Variants in PTPRD observed in about 807,000 individuals in gnomAD.
PTPRD encodes protein tyrosine phosphatase receptor type D.
PTPRD carries 34 observed loss-of-function variants against 214.5 expected under a neutral mutation model. That is an observed-to-expected ratio of 0.16 (90% CI 0.12 to 0.21). PTPRD has a LOEUF of 0.21. PTPRD is among the 10% of genes least tolerant of loss of function. The pLI is 1.00. For synonymous variants in PTPRD, 1,128 were observed against 845.7 expected (o/e 1.33, Z -5.79); for missense variants, 2,545 against 2,398.7 (o/e 1.06, Z -1.27).
At chr9:9,880,849 TA>T (rs2068449046) in intron 5 of PTPRD, among the ~76,000 whole-genome samples, 1 of 152,182 alleles carries the variant, frequency 6.6e-6, no homozygotes, top group Non-Finnish European at 1.5e-5. Flanking sequence ...GCTGGTCATT[TA>T]TTTTTTTTTC....
intron 9 of PTPRD, among the ~76,000 whole-genome samples, chr9:9,237,557 A>T (rs547735443): frequency 6.6e-6 from 1 of 152,268 alleles, no homozygotes; most frequent in East Asian, 1.9e-4. Flanking sequence ...GACCACCAAT[A>T]TGCAAATATC....
At chr9:8,719,809 G>A (rs1463598851) in intron 12 of PTPRD, among the ~76,000 whole-genome samples, 1 of 151,730 alleles carries the variant, frequency 6.6e-6, no homozygotes, top group Non-Finnish European at 1.5e-5. Flanking sequence ...GCGCCAAGTA[G>A]GGCTTTAGCT....
chr9:10,546,687 A>G (rs2060243306), intron 2 of PTPRD, among the ~76,000 whole-genome samples: 1 of 152,036 alleles, frequency 6.6e-6, no homozygotes, highest in African/African-American at 2.4e-5. Flanking sequence ...TTATCAATGA[A>G]GCATAATAGA....
intron 11 of PTPRD, among the ~76,000 whole-genome samples, chr9:8,930,444 T>C (rs980001674): frequency 6.6e-6 from 1 of 152,168 alleles, no homozygotes; most frequent in Admixed American, 6.6e-5. Context: ...GTCTTTATAG[T>C]AGAATTATTT....
At chr9:10,432,689 A>T (rs2098691022) in intron 2 of PTPRD, among the ~76,000 whole-genome samples, 3 of 152,012 alleles carry the variant, frequency 2.0e-5, no homozygotes. Context: ...CCTCAAATGC[A>T]GCAGTATCTA....
Position 9,247,898 on chromosome 9 carries a change from C to T in PTPRD, c.-202-64535G>A, listed in dbSNP as rs527535076. On this transcript the variant is annotated intron_variant, in intron 9 of 45. Transcript: ENST00000381196. ...TACATTTCATTTGCATTTCTGCTAT[C>T]TCACTTATTACTCTCAGCTTTGCTT... Among the ~76,000 whole-genome samples the T allele has an allele frequency of 1.3e-3, 204 of 152,230 alleles. 2 individuals carry two copies. Among genetic ancestry groups the T allele is most frequent in the Non-Finnish European group, 2.5e-3 (171 of 67,998 alleles).
chr9:9,510,148 T>G (rs1030349331), intron 8 of PTPRD, among the ~76,000 whole-genome samples: 7 of 151,718 alleles, frequency 4.6e-5, no homozygotes, highest in African/African-American at 1.7e-4. Context: ...TCCATATGGG[T>G]GGAGTAGCTT....
intron 11 of PTPRD, among the ~76,000 whole-genome samples, chr9:8,913,306 C>G (rs1042747910): frequency 1.3e-5 from 2 of 152,098 alleles, no homozygotes; most frequent in East Asian, 3.9e-4. Context: ...GTGAGTATTC[C>G]TTGCCTTTGG....
At chr9:8,960,108 C>G (rs1024515317) in intron 11 of PTPRD, among the ~76,000 whole-genome samples, 2 of 152,026 alleles carry the variant, frequency 1.3e-5, no homozygotes, top group South Asian at 4.1e-4. Context: ...AATTTACTAG[C>G]TGTGTCACCT....
At chr9:8,459,152 G>A (rs1456188556) in intron 33 of PTPRD, among the ~76,000 whole-genome samples, 17 of 151,956 alleles carry the variant, frequency 1.1e-4, no homozygotes, top group Non-Finnish European at 1.5e-5. Context: ...AGGGAGTGAG[G>A]GTGAAAATAA....
At chr9:9,429,997 A>G (rs892456526) in intron 8 of PTPRD, among the ~76,000 whole-genome samples, 1 of 152,186 alleles carries the variant, frequency 6.6e-6, no homozygotes, top group Admixed American at 6.5e-5. Context: ...GGCACAAGAC[A>G]GGGATGCCCT....
chr9:8,909,578 G>A lies in PTPRD; in HGVS notation c.-104+109119C>T, dbSNP rs143160142. 4.4e-3 allele frequency among the ~76,000 whole-genome samples: 675 copies of A among 152,122 alleles called. 12 individuals carry two copies. Among genetic ancestry groups the A allele is most frequent in the African/African-American group, 0.015 (634 of 41,524 alleles). On this transcript the variant is annotated intron_variant, in intron 11 of 45. Transcript: ENST00000381196. ...CAGATACAAACTTTCAACAAACTAA[G>A]CAAATAAGGATTTCATCAACCTGAA... is the stretch of plus-strand genomic sequence containing the variant.
At chr9:9,419,845 T>C (rs940907575) in intron 8 of PTPRD, among the ~76,000 whole-genome samples, 2 of 151,770 alleles carry the variant, frequency 1.3e-5, no homozygotes, top group Admixed American at 1.3e-4. Flanking sequence ...CTTAATATCA[T>C]ATGCATTTAA....
At chr9:9,963,960 C>T (rs1363514544) in intron 4 of PTPRD, among the ~76,000 whole-genome samples, 1 of 141,302 alleles carries the variant, frequency 7.1e-6, no homozygotes, top group Non-Finnish European at 1.6e-5. Flanking sequence ...TTTTTATGAG[C>T]ATTTCTTTCA....
chr9:8,928,307 G>GT, intron 11 of PTPRD, among the ~76,000 whole-genome samples: 1 of 152,234 alleles, frequency 6.6e-6, no homozygotes, highest in South Asian at 2.1e-4. Context: ...GATTGCCTAG[G>GT]TTTTCTTCTA....
At chr9:10,514,774 T>C (rs1343881255) in intron 2 of PTPRD, among the ~76,000 whole-genome samples, 2 of 152,164 alleles carry the variant, frequency 1.3e-5, no homozygotes, top group Non-Finnish European at 2.9e-5. Flanking sequence ...TATCCAGATT[T>C]AATAGGCATC....
intron 3 of PTPRD, among the ~76,000 whole-genome samples, chr9:10,187,809 T>C (rs1420921467): frequency 6.6e-6 from 1 of 152,202 alleles, no homozygotes; most frequent in Non-Finnish European, 1.5e-5. Context: ...TCACTAGAAT[T>C]GTGGCAAAGG....
rs1425992121 is a variant in PTPRD, at chr9:10,322,583, G to C, written c.-545+18380C>G. On this transcript the variant is annotated intron_variant, in intron 3 of 45. Transcript: ENST00000381196. ...CCCTCAAACCTTAATATATAAGTTT[G>C]CTATTATACTTGTCACTTCCATTTG... Among the ~76,000 whole-genome samples the C allele has an allele frequency of 2.6e-5, 4 of 151,958 alleles. 1 individual carries two copies. The highest frequency in any genetic ancestry group is 5.9e-5 in the Non-Finnish European group (4 of 67,968).
intron 11 of PTPRD, among the ~76,000 whole-genome samples, chr9:8,827,769 C>G (rs1227793113): frequency 6.6e-6 from 1 of 152,002 alleles, no homozygotes; most frequent in Non-Finnish European, 1.5e-5. Context: ...TTATTGTTTA[C>G]TAGTGATTAT....
Sources: allele counts gnomAD v4.1 joint callset (sites outside exome capture counted in the v4.1 genomes callset), GRCh38; gene constraint gnomAD v4.1.1; transcripts MANE v1.5; gene names NCBI Gene and HGNC (gene_info 2026-07-23, HGNC 2026-07-21).